The following MACROD1 variants were observed in gnomAD, a reference collection of about 807,000 sequenced individuals.
The protein encoded by MACROD1 is mono-ADP ribosylhydrolase 1.
In MACROD1, 31 loss-of-function variants were observed where a neutral mutation model predicts 41.4. That is an observed-to-expected ratio of 0.75 (90% CI 0.56 to 1.01). MACROD1 has a LOEUF of 1.01. Among genes scored for constraint, MACROD1 ranks in the 50% least tolerant of loss-of-function variants. The pLI is 0.00. For synonymous variants in MACROD1, 252 were observed against 203.4 expected, an observed-to-expected ratio of 1.24 and a Z score of -2.03; for missense variants, 473 against 460.0, an observed-to-expected ratio of 1.03 and a Z score of -0.26.
Position 64,000,562 on chromosome 11 carries a change from G to A in MACROD1, c.548-219C>T, listed in dbSNP as rs996709321. 1.2e-3 allele frequency among the ~76,000 whole-genome samples: 182 copies of A among 152,056 alleles called. 2 individuals are homozygous for A. The highest frequency in any genetic ancestry group is 3.4e-3 in the African/African-American group (142 of 41,528). On this transcript the variant is annotated intron_variant, in intron 4 of 10. Transcript: ENST00000255681. ...GAGCGGGACGGCCCTGGGCCTGGCG[G>A]GAAGTCGCGCAAGGAGGCCGGCAGG...
At chr11:64,075,212 C>T (rs1003728626) in intron 3 of MACROD1, among the ~76,000 whole-genome samples, 1 of 152,230 alleles carries the variant, frequency 6.6e-6, no homozygotes, top group African/African-American at 2.4e-5. Flanking sequence ...CATTCTGATC[C>T]ACATGCCAGC....
chr11:64,137,389 G>A (rs1314322695), intron 3 of MACROD1, among the ~76,000 whole-genome samples: 1 of 152,106 alleles, frequency 6.6e-6, no homozygotes, highest in African/African-American at 2.4e-5. Flanking sequence ...AGTTGGTGAG[G>A]ATACTAGAGA....
At chr11:64,141,358 G>A (rs760983593) in intron 3 of MACROD1, among the ~76,000 whole-genome samples, 2 of 152,174 alleles carry the variant, frequency 1.3e-5, no homozygotes, top group South Asian at 2.1e-4. Flanking sequence ...TCAAGTCAAC[G>A]CACCCACAGA....
chr11:64,101,957 C>T (rs1174778242), intron 3 of MACROD1, among the ~76,000 whole-genome samples: 1 of 152,218 alleles, frequency 6.6e-6, no homozygotes, highest in Non-Finnish European at 1.5e-5. Context: ...CAAATGCCTT[C>T]CCTGCCAGGC....
chr11:64,122,071 G>C lies in MACROD1; in HGVS notation c.517+29168C>G, dbSNP rs1945107875. Among the ~76,000 whole-genome samples, 1 of 152,182 alleles carries C rather than the reference G, an allele frequency of 6.6e-6. No homozygotes were observed. Among genetic ancestry groups the C allele is most frequent in the South Asian group, 2.1e-4 (1 of 4,822 alleles). ...ATTTTGCGAATGAGGCCTCTTGTAA[G>C]CTCAGCTCAGGCGTGGGGCCCAATG... On this transcript the variant is annotated intron_variant, in intron 3 of 10. Transcript: ENST00000255681. The surrounding 1 kb of genome is among the most constrained non-coding windows in gnomAD (Gnocchi z 4.0).
chr11:64,000,189 G>C, intron 5 of MACROD1, 38 bp downstream of exon 5: 1 of 1,543,056 alleles, frequency 6.5e-7, no homozygotes, highest in Non-Finnish European at 8.9e-7. Flanking sequence ...CGGGCGCCCT[G>C]TCTGCGCCCC....
intron 4 of MACROD1, chr11:64,001,110 G>C (rs1235950260): frequency 2.8e-6 from 1 of 363,520 alleles, no homozygotes; most frequent in African/African-American, 2.1e-5. Flanking sequence ...CCCGGGCGCA[G>C]ATAAACAACC....
intron 1 of MACROD1, among the ~76,000 whole-genome samples, chr11:64,154,366 T>C (rs17158870): frequency 0.12 from 18,142 of 151,990 alleles, 2,996 homozygotes; most frequent in African/African-American, 0.37. Context: ...TTTGGATTGA[T>C]CCCCGTGACA....
intron 2 of MACROD1, among the ~76,000 whole-genome samples, chr11:64,151,617 G>T (rs767817189): frequency 2.0e-5 from 3 of 152,184 alleles, no homozygotes; most frequent in Non-Finnish European, 4.4e-5. Context: ...CCATTTCACA[G>T]AGGTAGAAAC....
intron 3 of MACROD1, among the ~76,000 whole-genome samples, chr11:64,105,305 C>G (rs1056712662): frequency 1.3e-5 from 2 of 152,174 alleles, no homozygotes; most frequent in African/African-American, 4.8e-5. Flanking sequence ...CAGGCTGAAG[C>G]CAAGCTAGAG....
intron 4 of MACROD1, among the ~76,000 whole-genome samples, chr11:64,002,997 G>A (rs571830374): frequency 2.0e-5 from 3 of 152,288 alleles, no homozygotes; most frequent in African/African-American, 7.2e-5. Flanking sequence ...AAACCTCCAG[G>A]CTCCAGCTCA....
intron 4 of MACROD1, among the ~76,000 whole-genome samples, chr11:64,003,565 G>A (rs1942861184): frequency 6.6e-6 from 1 of 152,180 alleles, no homozygotes; most frequent in South Asian, 2.1e-4. Flanking sequence ...TAAGTAGCTG[G>A]TATGACTCAC....
chr11:64,105,544 G>C (rs543663432), intron 3 of MACROD1, among the ~76,000 whole-genome samples: 5 of 152,300 alleles, frequency 3.3e-5, no homozygotes, highest in African/African-American at 9.6e-5. Context: ...CAGCTGGAGA[G>C]AGCATTCTAT....
intron 4 of MACROD1, 71 bp from the exon 5 acceptor site, chr11:64,000,414 C>T: frequency 9.7e-7 from 1 of 1,031,376 alleles, no homozygotes; most frequent in East Asian, 3.1e-5. Context: ...CCCTCAGTCC[C>T]GAGAAGCCCC....
At chr11:64,023,739 T>C (rs955828574) in intron 3 of MACROD1, among the ~76,000 whole-genome samples, 3 of 152,048 alleles carry the variant, frequency 2.0e-5, no homozygotes, top group African/African-American at 7.3e-5. Context: ...CAGAGCGGCC[T>C]CCTTCACTCC....
At chr11:64,139,060 C>T (rs1389210347) in intron 3 of MACROD1, among the ~76,000 whole-genome samples, 1 of 152,332 alleles carries the variant, frequency 6.6e-6, no homozygotes, top group South Asian at 2.1e-4. Flanking sequence ...AGCCACCGCG[C>T]CCGGCCCACT....
At chr11:64,161,606 C>A (rs886842680) in intron 1 of MACROD1, among the ~76,000 whole-genome samples, 1 of 152,212 alleles carries the variant, frequency 6.6e-6, no homozygotes, top group Non-Finnish European at 1.5e-5. Context: ...CCAGCTGGGG[C>A]AGCCCCCCAG....
In MACROD1 at chr11:64,082,626, G is replaced by C. The variant is rs1944324359; in HGVS notation, c.518-67345C>G. Among the ~76,000 whole-genome samples, 2 of 152,078 alleles carry C rather than the reference G, an allele frequency of 1.3e-5. No homozygotes were observed. The highest frequency in any genetic ancestry group is 4.1e-4 in the South Asian group (2 of 4,834). ...CTGAAGACGGAACCTCTGAGTGCAG[G>C]CACCAGGTGGGAGGGTGGGGACCCC... On this transcript the variant is annotated intron_variant, in intron 3 of 10. Coordinates refer to ENST00000255681, the MANE Select transcript of MACROD1 (RefSeq NM_014067.4). This position sits in a 1 kb window ranked among gnomAD's most constrained non-coding sequence, Gnocchi z 4.5.
At chr11:64,015,176 C>T (rs1425452422) in intron 4 of MACROD1, 76 bp downstream of exon 4, 19 of 1,427,504 alleles carry the variant, frequency 1.3e-5, no homozygotes, top group Non-Finnish European at 1.6e-5. Flanking sequence ...GCACCGAGGG[C>T]GAGGGGCAGG....
Sources: gnomAD v4.1 joint callset for allele counts (sites outside exome capture counted in the v4.1 genomes callset) on GRCh38, gnomAD v4.1.1 for gene constraint, Gnocchi (gnomAD v3.1) non-coding constraint, MANE v1.5 for transcripts, NCBI Gene and HGNC (gene_info 2026-07-23, HGNC 2026-07-21) for gene names.